The following FCRL5 variants were observed in gnomAD, a reference collection of about 807,000 sequenced individuals.
The protein encoded by FCRL5 is Fc receptor like 5.
A neutral mutation model predicts 92.1 loss-of-function variants in FCRL5; 79 were observed. That is an observed-to-expected ratio of 0.86 (90% CI 0.72 to 1.03). FCRL5 has a LOEUF of 1.03. FCRL5 is among the 50% of genes least tolerant of loss of function. The pLI is 0.00. For missense variants in FCRL5, 1,160 were observed against 1,181.1 expected, an observed-to-expected ratio of 0.98 and a Z score of 0.26; for synonymous variants, 466 against 469.3, an observed-to-expected ratio of 0.99 and a Z score of 0.09.
Position 157,527,852 on chromosome 1 carries a change from G to C in FCRL5, c.1725C>G (p.Ala575=), listed in dbSNP as rs1650506347. 6.2e-7 allele frequency: 1 copy of C among 1,608,780 alleles called. No homozygotes were observed. Among genetic ancestry groups the C allele is most frequent in the South Asian group, 1.1e-5 (1 of 90,148 alleles). Reference sequence around the variant, plus strand: ...CCAGCAGGTCCCCCACCACAGCCTGGGCCCTGGGAACCCTGAGGGTGAGGA... The same window carrying C: ...CCAGCAGGTCCCCCACCACAGCCTGCGCCCTGGGAACCCTGAGGGTGAGGA... ...RPILTLRVPR[A]QAVVGDLLEL... The change falls in exon 9 of 17, where the codon GCC becomes GCG. Residue 575 remains alanine, a synonymous_variant. Transcript: ENST00000361835.
chr1:157,515,967 G>A (rs1166977662), intron 15 of FCRL5, 94 bp from the exon 16 acceptor site: 2 of 1,393,866 alleles, frequency 1.4e-6, no homozygotes, highest in East Asian at 4.7e-5. Flanking sequence ...CCTCCTGGAG[G>A]CCCGCTCTCC....
At position 157,544,516 on chromosome 1, in the gene FCRL5, C is replaced by T. The variant is rs768289239; in HGVS notation, c.590G>A (p.Ser197Asn). 6.2e-7 allele frequency: 1 copy of T among 1,614,156 alleles called. No homozygotes were observed. Among genetic ancestry groups the T allele is most frequent in the Admixed American group, 1.7e-5 (1 of 60,030 alleles). The change falls in exon 5 of 17, where the codon AGC becomes AAC. Residue 197 changes from serine (S) to asparagine (N), a missense_variant. Transcript: ENST00000361835. ...EPFTRPVLRASSFQPISGNPV... is the reference protein window; with the variant it reads ...EPFTRPVLRANSFQPISGNPV... ...GTTCCCGCTGATGGGCTGGAAGGAG[C>T]TGGCTCTCAGCACTGGACGTGTAAA...
rs1650494332 is a variant in FCRL5, at chr1:157,527,695, G to A, written c.1882C>T (p.His628Tyr). 1 of 1,614,216 alleles carries A rather than the reference G, an allele frequency of 6.2e-7. No homozygotes were observed. The highest frequency in any genetic ancestry group is 8.5e-7 in the Non-Finnish European group (1 of 1,180,030). ...ASFNLSLTAE[H>Y]SGNYSCEANN... ...GCCTCACATGAGTAGTTTCCAGAAT[G>A]TTCTGCAGTCAGAGAGAGGTTGAAA... The change falls in exon 9 of 17, where the codon CAT (histidine) becomes TAT (tyrosine). Residue 628 changes from histidine (H) to tyrosine (Y), a missense_variant. Coordinates refer to ENST00000361835, the MANE Select transcript of FCRL5 (RefSeq NM_031281.3).
In FCRL5 at chr1:157,518,737, T is replaced by C. The variant is rs776126440; in HGVS notation, c.2706A>G (p.Val902=). The C allele has an allele frequency of 4.3e-6, 7 of 1,613,526 alleles. No homozygotes were observed. Among genetic ancestry groups the C allele is most frequent in the African/African-American group, 2.7e-5 (2 of 75,002 alleles). The stretch of plus-strand genomic sequence containing the variant: ...CTGGTTGCAGCTCTTCCCAGGCTGG[T>C]ACATTGTGATAGGTGGGCTCTTGGG... ...SDSQEPTYHN[V]PAWEELQPVY... is the part of the protein sequence containing the mutation. The change falls in exon 14 of 17, where the codon GTA becomes GTG. Residue 902 remains valine, a synonymous_variant. Transcript: ENST00000361835.
intron 10 of FCRL5, among the ~76,000 whole-genome samples, chr1:157,522,950 A>G (rs935844218): frequency 1.3e-5 from 2 of 152,142 alleles, no homozygotes; most frequent in African/African-American, 2.4e-5. Flanking sequence ...CTGTGTGGGG[A>G]GAGCCCCTGC....
intron 6 of FCRL5, chr1:157,542,154 G>C (rs1229354876): frequency 2.0e-5 from 3 of 152,286 alleles, no homozygotes; most frequent in African/African-American, 7.2e-5. Context: ...AAATCACACT[G>C]TCTCCTTCAA....
In FCRL5 at chr1:157,539,215, A is replaced by G. The variant is rs62640945; in HGVS notation, c.1273T>C (p.Ser425Pro). ...HHEGAALERR[S>P]ANSAGGVAIS... ...GCCACTCCTCCTGCAGAGTTGGCCGACCTACGCTCCAGGGCAGCACCCTCA... is the reference window on the plus strand; with the variant it reads ...GCCACTCCTCCTGCAGAGTTGGCCGGCCTACGCTCCAGGGCAGCACCCTCA... Residue 425 changes from serine (S) to proline (P), a missense_variant, in exon 7 of 17, where the codon TCG becomes CCG. Transcript: ENST00000361835. The G allele has an allele frequency of 7.7e-3, 12,455 of 1,614,160 alleles. 70 individuals carry two copies. Among genetic ancestry groups the G allele is most frequent in the Non-Finnish European group, 8.2e-3 (9,674 of 1,180,016 alleles).
intron 11 of FCRL5, 91 bp downstream of exon 11, chr1:157,520,926 T>A (rs1650155434): frequency 7.1e-7 from 1 of 1,416,918 alleles, no homozygotes; most frequent in East Asian, 2.3e-5. Context: ...CCCTGAGGAG[T>A]GCCTTTCTGA....
intron 7 of FCRL5, among the ~76,000 whole-genome samples, chr1:157,536,001 G>A (rs929717546): frequency 7.5e-6 from 1 of 133,694 alleles, no homozygotes; most frequent in Admixed American, 9.6e-5. Context: ...GAATTCAGTG[G>A]CATGATCTCA....
chr1:157,552,256 G>C, intron 1 of FCRL5, 76 bp downstream of exon 1: 1 of 1,461,346 alleles, frequency 6.8e-7, no homozygotes, highest in South Asian at 1.1e-5. Flanking sequence ...TGAGCCCCAA[G>C]AAAGGACCAG....
Position 157,539,291 on chromosome 1 carries a change from A to G in FCRL5, c.1197T>C (p.Leu399=). 1 of 1,614,180 alleles carries G rather than the reference A, an allele frequency of 6.2e-7. No homozygotes were observed. The highest frequency in any genetic ancestry group is 8.5e-7 in the Non-Finnish European group (1 of 1,180,018). The change falls in exon 7 of 17, where the codon CTT becomes CTC. Residue 399 remains leucine (L), a synonymous_variant. Transcript: ENST00000361835. ...DLIFEGAKVT[L]HCEAQRGSLP... ...GTGAACCTCTCTGGGCTTCACAGTG[A>G]AGTGTCACCTTGGCTCCCTCAAAAA...
rs560178917 is a variant in FCRL5 at position 157,521,506 on chromosome 1, C to A, written c.2240-214G>T. 6.5e-4 allele frequency: 328 copies of A among 503,600 alleles called. 1 individual carries two copies. The highest frequency in any genetic ancestry group is 5.1e-3 in the African/African-American group (265 of 51,642). 31.2% of individuals were successfully genotyped at this position (503,600 alleles called of 1,614,324 possible). On this transcript the variant is annotated intron_variant, in intron 10 of 16. Coordinates refer to ENST00000361835, the MANE Select transcript of FCRL5 (RefSeq NM_031281.3). ...TAAAAAGTGTATAAATCACTGAAAA[C>A]TTCAAATAGACAATAAATATATACA...
intron 3 of FCRL5, chr1:157,546,192 A>T (rs1288686973): frequency 2.3e-6 from 1 of 433,136 alleles, no homozygotes; most frequent in East Asian, 7.2e-5. Context: ...TCATACCTGT[A>T]ATCCCAGCGC....
rs77405286 is a variant in FCRL5 at position 157,552,508 on chromosome 1, G to C, written c.-146C>G. On this transcript the variant is annotated 5_prime_UTR_variant, in exon 1 of 17. Transcript: ENST00000361835. ...GCTGTGCTCTCAAAAAGAGCAGAAT[G>C]CATTAGTGAATTGAAAAAAGGAAGT... 13,006 of 729,114 alleles carry C rather than the reference G, an allele frequency of 0.018. 614 individuals carry two copies. The highest frequency in any genetic ancestry group is 0.16 in the East Asian group (5,840 of 37,036). The allele number at this position is 729,114 out of a possible 1,614,324, so 45.2% of individuals were successfully genotyped here. A position where few individuals can be genotyped will look rare whatever the true frequency, so the allele number is the denominator to read the frequency against.
In FCRL5 at chr1:157,519,685, C is replaced by A. The variant is rs1257776916; in HGVS notation, c.2660+58G>T. ...TCTTGGTAATCATCAGATTCAATTC[C>A]ATTTTTCCACCCTGTGGACATTTCA... On this transcript the variant is annotated intron_variant, in intron 13 of 16. Transcript: ENST00000361835. 1.9e-5 allele frequency: 30 copies of A among 1,581,012 alleles called. 1 individual carries two copies. In the South Asian group the frequency reaches 2.2e-4, roughly 12 times the overall value.
chr1:157,517,148 C>T (rs534141892), intron 15 of FCRL5, among the ~76,000 whole-genome samples: 4 of 152,158 alleles, frequency 2.6e-5, no homozygotes, highest in Non-Finnish European at 4.4e-5. Flanking sequence ...AGGAGGCAGC[C>T]GGGCTGGGAT....
intron 8 of FCRL5, chr1:157,532,432 A>T (rs532268720): frequency 6.6e-6 from 1 of 152,348 alleles, no homozygotes; most frequent in African/African-American, 2.4e-5. Flanking sequence ...TTTTTAAAAC[A>T]GTCCATTCTT....
chr1:157,524,351 C>T lies in FCRL5; in HGVS notation c.2167G>A (p.Gly723Arg), dbSNP rs1650329317. The stretch of plus-strand genomic sequence containing the variant: ...TTGTCTGCCTCACAGGAGTAGATTC[C>T]AGAATGTTCTGTAGTCAGAGAGAGG... The part of the protein sequence containing the change: ...FNLSLTTEHS[G>R]IYSCEADNGL... Residue 723 changes from glycine to arginine, a missense_variant, in exon 10 of 17, where the codon GGA becomes AGA. Physicochemically the swap from Gly to Arg is moderately radical, Grantham distance 125 (BLOSUM62 -2). Transcript: ENST00000361835. 1 of 1,614,248 alleles carries T rather than the reference C, an allele frequency of 6.2e-7. No homozygotes were observed.
At chr1:157,536,220 G>T (rs1571096844) in intron 7 of FCRL5, among the ~76,000 whole-genome samples, 1 of 152,082 alleles carries the variant, frequency 6.6e-6, no homozygotes, top group African/African-American at 2.4e-5. Context: ...GGAATTACAG[G>T]CATGAGCCAC....
Sources: gnomAD v4.1 joint callset for allele counts (sites outside exome capture counted in the v4.1 genomes callset) on GRCh38, gnomAD v4.1.1 for gene constraint, MANE v1.5 for transcripts, NCBI Gene and HGNC (gene_info 2026-07-23, HGNC 2026-07-21) for gene names.